The following ACSBG1 variants were observed in gnomAD, a reference collection of about 807,000 sequenced individuals.
The protein encoded by ACSBG1 is long-chain-fatty-acid--CoA ligase ACSBG1.
ACSBG1 carries 39 observed loss-of-function variants against 80.2 expected under a neutral mutation model. The observed-to-expected ratio is 0.49, with a 90% CI of 0.38 to 0.64. The LOEUF (loss-of-function observed/expected upper bound fraction) is 0.64. Ranked by LOEUF, ACSBG1 falls within the 30% of genes least tolerant of loss-of-function variation. The probability of loss-of-function intolerance (pLI) is 0.00; values close to 1 mark genes in which losing one functional copy is unlikely to be tolerated. For missense variants in ACSBG1, 828 were observed against 966.4 expected, an observed-to-expected ratio of 0.86 and a Z score of 1.90; for synonymous variants, 392 against 379.5, an observed-to-expected ratio of 1.03 and a Z score of -0.38.
Position 78,169,129 on chromosome 15 carries a change from C to A in ACSBG1, c.*2315G>T. The A allele has an allele frequency of 1.8e-6, 1 of 548,518 alleles. No individual in the cohort carries two copies. The highest frequency in any genetic ancestry group is 3.3e-5 in the South Asian group (1 of 29,906). The allele number at this position is 548,518 out of a possible 1,614,324, so 34.0% of individuals were successfully genotyped here. A position where few individuals can be genotyped will look rare whatever the true frequency, so the allele number is the denominator to read the frequency against. On this transcript the variant is annotated 3_prime_UTR_variant, in exon 14 of 14. Transcript: ENST00000258873. ...CTTGACAGTACATTTTTAGATCTGGCCTTTTCTTAACAAAATCTGTGCAAA... is the reference window on the plus strand; with the variant it reads ...CTTGACAGTACATTTTTAGATCTGGACTTTTCTTAACAAAATCTGTGCAAA...
chr15:78,230,797 T>C lies in ACSBG1; in HGVS notation c.131+3574A>G, dbSNP rs143423838. 4.3e-3 allele frequency among the ~76,000 whole-genome samples: 656 copies of C among 152,300 alleles called. 4 individuals are homozygous for C. The highest frequency in any genetic ancestry group is 0.015 in the African/African-American group (630 of 41,586). ...TGATTGTAAGGCCACCTCAGCCACA[T>C]GGAACTGTAAGTCCAATAAACTTCT... On this transcript the variant is annotated intron_variant, in intron 1 of 13. Coordinates refer to ENST00000258873, the MANE Select transcript of ACSBG1 (RefSeq NM_015162.5).
intron 1 of ACSBG1, among the ~76,000 whole-genome samples, chr15:78,232,525 C>G (rs1474096309): frequency 6.6e-6 from 1 of 152,168 alleles, no homozygotes; most frequent in Non-Finnish European, 1.5e-5. Flanking sequence ...AGGCCTGAGA[C>G]ACAGGCTCCT....
intron 1 of ACSBG1, among the ~76,000 whole-genome samples, chr15:78,233,696 G>A (rs1355246848): frequency 6.6e-6 from 1 of 151,780 alleles, no homozygotes; most frequent in East Asian, 1.9e-4. Flanking sequence ...CCGTGTGTGT[G>A]CGTGTGCGCG....
chr15:78,171,851 A>C (rs2074826991), intron 13 of ACSBG1: 1 of 181,298 alleles, frequency 5.5e-6, no homozygotes. Context: ...CTTTTCCTTG[A>C]CCTGTACCCA....
chr15:78,180,053 AAC>A (rs2074926227), intron 9 of ACSBG1, among the ~76,000 whole-genome samples: 1 of 152,186 alleles, frequency 6.6e-6, no homozygotes, highest in African/African-American at 2.4e-5. Context: ...TACGGGCAAC[AAC>A]ACAGACACAT....
chr15:78,174,250 C>T (rs1359111369), intron 12 of ACSBG1, 135 bp downstream of exon 12: 6 of 1,229,332 alleles, frequency 4.9e-6, no homozygotes, highest in Admixed American at 2.1e-5. Context: ...ACAGTGCAGG[C>T]AGCACGGACT....
chr15:78,202,457 C>A (rs1323223181), intron 2 of ACSBG1, among the ~76,000 whole-genome samples: 1 of 152,188 alleles, frequency 6.6e-6, no homozygotes, highest in African/African-American at 2.4e-5. Context: ...GATCTGCCCA[C>A]CTCAGCCTCC....
Position 78,194,692 on chromosome 15 carries a change from C to T in ACSBG1, c.267G>A (p.Arg89=), listed in dbSNP as rs895524934. The T allele has an allele frequency of 8.7e-6, 14 of 1,613,540 alleles. No homozygotes were observed. Among genetic ancestry groups the T allele is most frequent in the Non-Finnish European group, 1.2e-5 (14 of 1,179,906 alleles). ...AGCTGGGGTCTATGCGCAGGCGCAC[C>T]CGCCCATCGGCCCGAGTCGTCCACA... ...EALWTTRADG[R]VRLRIDPSCP... The change falls in exon 3 of 14, where the codon CGG becomes CGA. Residue 89 remains arginine, a synonymous_variant. Coordinates refer to ENST00000258873, the MANE Select transcript of ACSBG1 (RefSeq NM_015162.5).
chr15:78,191,416 A>G (rs2075055949), intron 5 of ACSBG1, among the ~76,000 whole-genome samples: 1 of 152,238 alleles, frequency 6.6e-6, no homozygotes, highest in African/African-American at 2.4e-5. Context: ...ACTTGATTTA[A>G]TTAACATTTA....
chr15:78,210,418 C>T (rs575177105), intron 1 of ACSBG1, among the ~76,000 whole-genome samples: 4 of 152,244 alleles, frequency 2.6e-5, no homozygotes, highest in South Asian at 2.1e-4. Context: ...AGATGTCATC[C>T]GAAATAGAAT....
At chr15:78,200,767 A>G (rs551032645) in intron 2 of ACSBG1, among the ~76,000 whole-genome samples, 1 of 152,298 alleles carries the variant, frequency 6.6e-6, no homozygotes, top group East Asian at 1.9e-4. Flanking sequence ...ACCTCCAGCC[A>G]CCGGCCTTTT....
chr15:78,229,613 C>T (rs1038366816), intron 1 of ACSBG1, among the ~76,000 whole-genome samples: 10 of 152,148 alleles, frequency 6.6e-5, no homozygotes, highest in African/African-American at 2.4e-4. Flanking sequence ...GGGTAGGCAG[C>T]GCCGGGAGAG....
chr15:78,188,076 T>C lies in ACSBG1; in HGVS notation c.664-5291A>G, dbSNP rs538089009. On this transcript the variant is annotated intron_variant, in intron 5 of 13. Transcript: ENST00000258873. ...ATCATGCGTGAACTCCCATTCACAA[T>C]TGCTTCAAAGAGAATAAAATACCTA... 2.6e-5 allele frequency among the ~76,000 whole-genome samples: 4 copies of C among 152,294 alleles called. No homozygotes were observed. In the East Asian group the frequency reaches 7.7e-4, roughly 29 times the overall value.
Position 78,178,813 on chromosome 15 carries a change from G to A in ACSBG1, c.1503C>T (p.Pro501=), listed in dbSNP as rs370360755. ...GGTTCACCAGCTTCACCCGACAGCC[G>A]GGCACCAACTTGCCTGAGCTGGCGA... ...YRLYSSGKLV[P]GCRVKLVNQD... is the part of the protein sequence containing the mutation. The change falls in exon 11 of 14, where the codon CCC becomes CCT. Residue 501 remains proline, a synonymous_variant. Coordinates refer to ENST00000258873, the MANE Select transcript of ACSBG1 (RefSeq NM_015162.5). This position sits in a 1 kb window ranked among gnomAD's most constrained non-coding sequence, Gnocchi z 4.3. The A allele has an allele frequency of 1.2e-5, 19 of 1,612,506 alleles. 1 individual carries two copies. Among genetic ancestry groups the A allele is most frequent in the South Asian group, 2.2e-5 (2 of 91,022 alleles).
chr15:78,190,580 AAAG>A (rs2075048333), intron 5 of ACSBG1, among the ~76,000 whole-genome samples: 2 of 151,756 alleles, frequency 1.3e-5, no homozygotes, highest in African/African-American at 4.8e-5. Context: ...TAAAAAAAAA[AAAG>A]AAAAAAGAAA....
Position 78,177,233 on chromosome 15 carries a change from A to G in ACSBG1, c.1702+1381T>C, listed in dbSNP as rs1281510540. On this transcript the variant is annotated intron_variant, in intron 11 of 13. Coordinates refer to ENST00000258873, the MANE Select transcript of ACSBG1 (RefSeq NM_015162.5). This position sits in a 1 kb window ranked among gnomAD's most constrained non-coding sequence, Gnocchi z 4.1. ...GGCTGTAGGACTTAGCCGGATATCT[A>G]TCCCTGTCATAAAGCTATAGAAATT... Among the ~76,000 whole-genome samples, 1 of 152,212 alleles carries G rather than the reference A, an allele frequency of 6.6e-6. No individual in the cohort carries two copies. Among genetic ancestry groups the G allele is most frequent in the Non-Finnish European group, 1.5e-5 (1 of 68,042 alleles).
intron 2 of ACSBG1, among the ~76,000 whole-genome samples, chr15:78,206,787 T>C (rs141626365): frequency 3.2e-4 from 48 of 152,328 alleles, no homozygotes; most frequent in Non-Finnish European, 5.1e-4. Flanking sequence ...GATGAAGCCA[T>C]TGAGGCCCGC....
At chr15:78,187,561 CAA>C in intron 5 of ACSBG1, among the ~76,000 whole-genome samples, 1 of 152,122 alleles carries the variant, frequency 6.6e-6, no homozygotes, top group East Asian at 1.9e-4. Context: ...TAAACAGAAC[CAA>C]AGACAAAAAC....
intron 1 of ACSBG1, chr15:78,212,738 A>T (rs2075277836): frequency 1.1e-5 from 4 of 367,430 alleles, no homozygotes; most frequent in Non-Finnish European, 1.7e-5. Context: ...TGCAACAGAG[A>T]TACAGCGTGA....
Sources: gnomAD v4.1 joint callset for allele counts (sites outside exome capture counted in the v4.1 genomes callset) on GRCh38, gnomAD v4.1.1 for gene constraint, Gnocchi (gnomAD v3.1) non-coding constraint, MANE v1.5 for transcripts, NCBI Gene and HGNC (gene_info 2026-07-23, HGNC 2026-07-21) for gene names.